FBXO42: variants seen among roughly 807,000 people sequenced by gnomAD.
FBXO42 encodes F-box only protein 42.
A neutral mutation model predicts 71.7 loss-of-function variants in FBXO42; 12 were observed. The ratio of observed to expected loss-of-function variants is 0.17; its 90% CI spans 0.11 to 0.27. FBXO42 has a LOEUF of 0.27. FBXO42 is among the 10% of genes least tolerant of loss of function. The pLI, the probability that FBXO42 is intolerant of heterozygous loss-of-function variation, is 1.00. For missense variants in FBXO42, 707 were observed against 911.9 expected, an observed-to-expected ratio of 0.78 and a Z score of 2.89; for synonymous variants, 325 against 327.5, an observed-to-expected ratio of 0.99 and a Z score of 0.08.
intron 1 of FBXO42, among the ~76,000 whole-genome samples, chr1:16,338,833 C>T (rs1267691813): frequency 7.8e-5 from 6 of 77,038 alleles, no homozygotes; most frequent in Middle Eastern, 8.2e-3. Flanking sequence ...TTTTTTGAGA[C>T]GGTGTTTCGC....
chr1:16,272,826 C>G (rs1486078593), intron 4 of FBXO42, among the ~76,000 whole-genome samples: 2 of 152,192 alleles, frequency 1.3e-5, no homozygotes, highest in Non-Finnish European at 2.9e-5. Context: ...CAATGGCTAG[C>G]ATTTGATGAA....
intron 4 of FBXO42, chr1:16,293,837 G>A (rs991721682): frequency 3.9e-5 from 6 of 152,208 alleles, no homozygotes; most frequent in African/African-American, 1.4e-4. Flanking sequence ...ATTTCTCCCA[G>A]AGAAGTGCAA....
chr1:16,271,903 C>G (rs1354802678), intron 4 of FBXO42, among the ~76,000 whole-genome samples: 1 of 150,914 alleles, frequency 6.6e-6, no homozygotes, highest in Non-Finnish European at 1.5e-5. Flanking sequence ...CTCTGGGAGG[C>G]TGAGGCGGGT....
At chr1:16,340,507 C>A (rs945809272) in intron 1 of FBXO42, among the ~76,000 whole-genome samples, 1 of 151,876 alleles carries the variant, frequency 6.6e-6, no homozygotes, top group Admixed American at 6.6e-5. Flanking sequence ...TTAGTAGAGA[C>A]GGGGTTTCAC....
chr1:16,341,982 A>T (rs980031484), intron 1 of FBXO42, among the ~76,000 whole-genome samples: 7 of 149,338 alleles, frequency 4.7e-5, no homozygotes, highest in South Asian at 2.1e-4. Context: ...CAAAAAAAAA[A>T]AAAAAAGTTC....
At chr1:16,258,984 C>T (rs1438837208) in intron 4 of FBXO42, among the ~76,000 whole-genome samples, 1 of 152,196 alleles carries the variant, frequency 6.6e-6, no homozygotes, top group Non-Finnish European at 1.5e-5. Context: ...AAGCGATCCT[C>T]CCGCCTCAGC....
At chr1:16,311,959 C>G (rs56327705) in intron 2 of FBXO42, among the ~76,000 whole-genome samples, 9,911 of 152,028 alleles carry the variant, frequency 0.065, 490 homozygotes, top group Non-Finnish European at 0.1. Flanking sequence ...ATCTTGGAAG[C>G]AACTAAGATG....
At chr1:16,273,763 C>T (rs1190747275) in intron 4 of FBXO42, among the ~76,000 whole-genome samples, 1 of 151,988 alleles carries the variant, frequency 6.6e-6, no homozygotes, top group African/African-American at 2.4e-5. Flanking sequence ...TCTGTAGTCC[C>T]AGCTACTTGG....
At chr1:16,296,664 A>C (rs1392632034) in intron 3 of FBXO42, among the ~76,000 whole-genome samples, 5 of 151,378 alleles carry the variant, frequency 3.3e-5, no homozygotes, top group Admixed American at 6.6e-5. Flanking sequence ...AAAAAAAAAA[A>C]AAAACAAAAA....
chr1:16,347,780 G>A (rs1456112412), intron 1 of FBXO42, among the ~76,000 whole-genome samples: 1 of 152,076 alleles, frequency 6.6e-6, no homozygotes, highest in Non-Finnish European at 1.5e-5. Context: ...ACGAGGTCTG[G>A]AAATCGAGAC....
At chr1:16,338,123 G>A (rs1219581289) in intron 1 of FBXO42, among the ~76,000 whole-genome samples, 1 of 151,326 alleles carries the variant, frequency 6.6e-6, no homozygotes, top group Non-Finnish European at 1.5e-5. Flanking sequence ...GCCAGGTGTG[G>A]TGGCAGGCGC....
At chr1:16,282,215 ATTTTCTTTTTTTTTT>A (rs200155262) in intron 4 of FBXO42, among the ~76,000 whole-genome samples, 4,000 of 144,172 alleles carry the variant, frequency 0.028, 186 homozygotes, top group African/African-American at 0.095. Flanking sequence ...CAACTGAGAC[ATTTTCTTTTTTTTTT>A]TTTTCTTTTT....
At chr1:16,297,612 A>G (rs950898463) in intron 3 of FBXO42, among the ~76,000 whole-genome samples, 2 of 152,206 alleles carry the variant, frequency 1.3e-5, no homozygotes, top group African/African-American at 4.8e-5. Context: ...CAGTAATCCC[A>G]GCACTTTGGG....
At chr1:16,272,538 C>T (rs1342037156) in intron 4 of FBXO42, among the ~76,000 whole-genome samples, 6 of 152,132 alleles carry the variant, frequency 3.9e-5, no homozygotes, top group East Asian at 3.9e-4. Flanking sequence ...GGATTACAGG[C>T]GTGAGCCACC....
intron 4 of FBXO42, among the ~76,000 whole-genome samples, chr1:16,263,390 C>T (rs374358874): frequency 6.6e-6 from 1 of 152,004 alleles, no homozygotes; most frequent in African/African-American, 2.4e-5. Flanking sequence ...TTGCATTGAG[C>T]CAAGATCACG....
chr1:16,285,462 C>T (rs886258853), intron 4 of FBXO42, among the ~76,000 whole-genome samples: 4 of 151,770 alleles, frequency 2.6e-5, no homozygotes, highest in African/African-American at 4.8e-5. Flanking sequence ...TTAGTAGAGA[C>T]GGGGTTTCAC....
intron 2 of FBXO42, among the ~76,000 whole-genome samples, chr1:16,311,514 A>G (rs1290914986): frequency 2.8e-5 from 4 of 144,304 alleles, no homozygotes; most frequent in Non-Finnish European, 6.0e-5. Context: ...ATATATATAT[A>G]TATATATATA....
In FBXO42 at chr1:16,248,966, T is replaced by G. The variant is rs1242631731; in HGVS notation, c.*1704A>C. The G allele has an allele frequency of 6.6e-6, 1 of 152,220 alleles. No individual in the cohort carries two copies. Among genetic ancestry groups the G allele is most frequent in the African/African-American group, 2.4e-5 (1 of 41,454 alleles). The allele number at this position is 152,220 out of a possible 1,614,324, so 9.4% of individuals were successfully genotyped here. ...ATGATGTAACAGGAGAAAACACACTTATCAGTACACTTAGGCTGCCAGATG... is the reference window on the plus strand; with the variant it reads ...ATGATGTAACAGGAGAAAACACACTGATCAGTACACTTAGGCTGCCAGATG... On this transcript the variant is annotated 3_prime_UTR_variant, in exon 10 of 10. Transcript: ENST00000375592.
intron 2 of FBXO42, among the ~76,000 whole-genome samples, chr1:16,308,494 CTTTTTTTTT>C (rs71003268): frequency 2.4e-5 from 3 of 126,726 alleles, no homozygotes; most frequent in Admixed American, 8.6e-5. Flanking sequence ...ACCCATCTCT[CTTTTTTTTT>C]TTTTTTTTTT....
Sources: gnomAD v4.1 joint callset for allele counts (sites outside exome capture counted in the v4.1 genomes callset) on GRCh38, gnomAD v4.1.1 for gene constraint, MANE v1.5 for transcripts, NCBI Gene and HGNC (gene_info 2026-07-23, HGNC 2026-07-21) for gene names.